Variants in SLC25A31 observed in about 807,000 individuals in gnomAD.
SLC25A31 encodes solute carrier family 25 member 31, also known as ADP/ATP translocase 4.
Under a neutral mutation model 36.2 loss-of-function variants are expected in SLC25A31, and 40 were observed. That is an observed-to-expected ratio of 1.10 (90% CI 0.86 to 1.44). The LOEUF (loss-of-function observed/expected upper bound fraction) is 1.44, where lower values mean the gene tolerates loss of function less well. SLC25A31 is among the 40% of genes most tolerant of loss of function. The pLI, the probability that SLC25A31 is intolerant of heterozygous loss-of-function variation, is 0.00. For missense variants in SLC25A31, 350 were observed against 397.1 expected (o/e 0.88, Z 1.01); for synonymous variants, 143 against 149.7 (o/e 0.96, Z 0.32).
intron 5 of SLC25A31, among the ~76,000 whole-genome samples, chr4:127,770,451 T>TC (rs1190349647): frequency 6.6e-6 from 1 of 151,578 alleles, no homozygotes; most frequent in Admixed American, 6.6e-5. Flanking sequence ...ACGGTGAAAC[T>TC]CCATCTCTAC....
intron 5 of SLC25A31, among the ~76,000 whole-genome samples, chr4:127,772,423 A>C (rs565659125): frequency 2.0e-5 from 3 of 152,290 alleles, no homozygotes; most frequent in Admixed American, 2.0e-4. Flanking sequence ...CATTTCTGAT[A>C]ATCTTGGGGC....
chr4:127,756,284 G>A (rs1732029902), intron 2 of SLC25A31, among the ~76,000 whole-genome samples: 1 of 152,198 alleles, frequency 6.6e-6, no homozygotes, highest in African/African-American at 2.4e-5. Context: ...TCTGTCATTT[G>A]TGACATGGAA....
Position 127,730,723 on chromosome 4 carries a change from G to A in SLC25A31, c.178G>A (p.Glu60Lys), listed in dbSNP as rs1013234281. The change falls in exon 1 of 6, where the codon GAG becomes AAG. Residue 60 changes from glutamate (E) to lysine (K), a missense_variant. Glu to Lys is a moderately conservative substitution (Grantham distance 56, BLOSUM62 1). Coordinates refer to ENST00000281154, the MANE Select transcript of SLC25A31 (RefSeq NM_031291.4). ...GGCGTCGTCGAAGCAGATCAGCCCC[G>A]AGGCGCGGTACAAAGGCATGGTGGA... ...VQASSKQISPEARYKGMVDCL... is the reference protein window; with the variant it reads ...VQASSKQISPKARYKGMVDCL... 5.0e-6 allele frequency: 8 copies of A among 1,613,764 alleles called. No individual in the cohort carries two copies. The highest frequency in any genetic ancestry group is 6.8e-6 in the Non-Finnish European group (8 of 1,179,910).
intron 1 of SLC25A31, among the ~76,000 whole-genome samples, chr4:127,733,228 A>G (rs1022867020): frequency 2.0e-5 from 3 of 152,230 alleles, no homozygotes; most frequent in Non-Finnish European, 4.4e-5. Context: ...AACTCATGTC[A>G]GCAACTCTGC....
chr4:127,772,367 T>C (rs1022294301), intron 5 of SLC25A31, among the ~76,000 whole-genome samples: 1 of 152,240 alleles, frequency 6.6e-6, no homozygotes, highest in African/African-American at 2.4e-5. Flanking sequence ...TATGACATCA[T>C]CTTGCTCTTA....
At chr4:127,755,638 T>C (rs1285731346) in intron 2 of SLC25A31, among the ~76,000 whole-genome samples, 2 of 152,192 alleles carry the variant, frequency 1.3e-5, no homozygotes, top group Non-Finnish European at 2.9e-5. Flanking sequence ...ATGAAAGATA[T>C]GCGTGAGCAA....
At chr4:127,751,915 A>G (rs1731941181) in intron 2 of SLC25A31, among the ~76,000 whole-genome samples, 1 of 152,108 alleles carries the variant, frequency 6.6e-6, no homozygotes, top group African/African-American at 2.4e-5. Context: ...AAAGTCAGGA[A>G]ACAACAGGTG....
rs1363063391 is a variant in SLC25A31 at position 127,773,931 on chromosome 4, TACCTG to T, written c.*358_*362del. ...CTTTTAAATTGCTATTCATTTAATA[TACCTG>T]TTTTCCCATCTTTTGAAGTCATATG... On this transcript the variant is annotated 3_prime_UTR_variant, in exon 6 of 6. Transcript: ENST00000281154. 134 of 164,024 alleles carry T rather than the reference TACCTG, an allele frequency of 8.2e-4. No individual in the cohort carries two copies. Among genetic ancestry groups the T allele is most frequent in the African/African-American group, 3.1e-3 (130 of 41,922 alleles). 10.2% of individuals were successfully genotyped at this position (164,024 alleles called of 1,614,324 possible).
chr4:127,762,923 CAAA>C (rs372222384), intron 2 of SLC25A31, among the ~76,000 whole-genome samples: 5 of 72,200 alleles, frequency 6.9e-5, no homozygotes, highest in Non-Finnish European at 1.2e-4. Context: ...GACTCTGTCT[CAAA>C]AAAAAAAAAA....
chr4:127,733,860 TCTA>T (rs1405710514), intron 1 of SLC25A31, among the ~76,000 whole-genome samples: 1 of 152,212 alleles, frequency 6.6e-6, no homozygotes, highest in Non-Finnish European at 1.5e-5. Flanking sequence ...TTACCTTATC[TCTA>T]CTTTCTTTCC....
intron 1 of SLC25A31, 106 bp downstream of exon 1, chr4:127,730,883 C>T (rs961647988): frequency 6.7e-6 from 7 of 1,045,332 alleles, no homozygotes; most frequent in Admixed American, 5.1e-5. Flanking sequence ...ACAACCACAG[C>T]TACAGCTGTC....
intron 1 of SLC25A31, among the ~76,000 whole-genome samples, chr4:127,736,169 G>A (rs377389865): frequency 2.0e-5 from 3 of 152,100 alleles, no homozygotes; most frequent in South Asian, 2.1e-4. Context: ...GATTACAGGC[G>A]TGAATGCCTA....
rs549505005 is a variant in SLC25A31, at chr4:127,752,069, G to A, written c.360+7270G>A. ...TTTGACCCAGCCATCCCATTACTGA[G>A]TATATACCCAAAGGATTATAAATCA... On this transcript the variant is annotated intron_variant, in intron 2 of 5. Transcript: ENST00000281154. Among the ~76,000 whole-genome samples, 4 of 152,310 alleles carry A rather than the reference G, an allele frequency of 2.6e-5. No homozygotes were observed. In the East Asian group the frequency reaches 7.7e-4, roughly 29 times the overall value.
At chr4:127,762,301 T>C (rs1033693719) in intron 2 of SLC25A31, among the ~76,000 whole-genome samples, 9 of 152,160 alleles carry the variant, frequency 5.9e-5, no homozygotes, top group African/African-American at 2.2e-4. Flanking sequence ...CTTGAAAACA[T>C]GCTAAATGAA....
chr4:127,748,006 A>G (rs542051539), intron 2 of SLC25A31, among the ~76,000 whole-genome samples: 2 of 152,314 alleles, frequency 1.3e-5, no homozygotes, highest in East Asian at 3.9e-4. Flanking sequence ...AACATACGAC[A>G]ACACGTGATG....
In SLC25A31 at chr4:127,732,547, G is replaced by A. The variant is rs941276055; in HGVS notation, c.232+1770G>A. ...TTAGCTTTTCTGCTTCAAATATTTT[G>A]TCAGGTAAAATGAAGTATTCTGGTC... is the stretch of plus-strand genomic sequence containing the variant. On this transcript the variant is annotated intron_variant, in intron 1 of 5. Transcript: ENST00000281154. 1.4e-4 allele frequency among the ~76,000 whole-genome samples: 22 copies of A among 152,154 alleles called. 1 individual carries two copies. The highest frequency in any genetic ancestry group is 1.4e-3 in the Admixed American group (22 of 15,270).
At chr4:127,762,823 C>T in intron 2 of SLC25A31, among the ~76,000 whole-genome samples, 1 of 151,632 alleles carries the variant, frequency 6.6e-6, no homozygotes, top group East Asian at 1.9e-4. Context: ...ACTCAGGAGG[C>T]TGAGGCAGGA....
chr4:127,743,710 C>G (rs1731773207), intron 1 of SLC25A31, among the ~76,000 whole-genome samples: 1 of 152,168 alleles, frequency 6.6e-6, no homozygotes, highest in Non-Finnish European at 1.5e-5. Context: ...TATATTCAGC[C>G]TTGGGTTCAC....
Position 127,730,893 on chromosome 4 carries a change from C to T in SLC25A31, c.232+116C>T, listed in dbSNP as rs1731511924. On this transcript the variant is annotated intron_variant, in intron 1 of 5. Transcript: ENST00000281154. ...GCCCCACAACCACAGCTACAGCTGT[C>T]GGTGATGAATTTGCTTCTTACCCTT... is the stretch of plus-strand genomic sequence containing the variant. 3 of 989,432 alleles carry T rather than the reference C, an allele frequency of 3.0e-6. No homozygotes were observed. The South Asian group carries it at 4.9e-5, about 16-fold the overall frequency. 61.3% of individuals were successfully genotyped at this position (989,432 alleles called of 1,614,324 possible). A position where few individuals can be genotyped will look rare whatever the true frequency, so the allele number is the denominator to read the frequency against.
Sources: gnomAD v4.1 joint callset for allele counts (sites outside exome capture counted in the v4.1 genomes callset) on GRCh38, gnomAD v4.1.1 for gene constraint, MANE v1.5 for transcripts, NCBI Gene and HGNC (gene_info 2026-07-23, HGNC 2026-07-21) for gene names.